The following MTRR variants were observed in gnomAD, a reference collection of about 807,000 sequenced individuals.
MTRR encodes 5-methyltetrahydrofolate-homocysteine methyltransferase reductase.
Under a neutral mutation model 79.2 loss-of-function variants are expected in MTRR, and 63 were observed. That is an observed-to-expected ratio of 0.80 (90% CI 0.65 to 0.98). The LOEUF is 0.98. Ranked by LOEUF, MTRR falls within the 50% of genes least tolerant of loss-of-function variation. The pLI is 0.00. For missense variants in MTRR, 895 were observed against 839.6 expected (o/e 1.07, Z -0.82); for synonymous variants, 355 against 313.3 (o/e 1.13, Z -1.41).
rs142796689 is a variant in MTRR at position 7,861,187 on chromosome 5, G to A, written n.392-764G>A. 8.7e-6 allele frequency: 14 copies of A among 1,612,310 alleles called. No individual in the cohort carries two copies. The African/African-American group carries it at 1.9e-4, about 22-fold the overall frequency. On this transcript the variant is annotated intron_variant and non_coding_transcript_variant, in intron 1 of 3. Transcript: ENST00000502509. ...TAACCGAGTAACTGTAGGTGTCTTT[G>A]TTTAATAGCTTCTTTCCCCAGTAAG...
chr5:7,852,105 A>G (rs879554142), intron 1 of MTRR, among the ~76,000 whole-genome samples: 3 of 152,160 alleles, frequency 2.0e-5, no homozygotes, highest in Non-Finnish European at 4.4e-5. Context: ...GGCCTCATGA[A>G]GCCAGAAACT....
At chr5:7,870,213 A>G in intron 1 of MTRR, 1 of 329,484 alleles carries the variant, frequency 3.0e-6, no homozygotes, top group South Asian at 1.1e-4. Context: ...AATGAAGGAG[A>G]GTATGTGCTT....
chr5:7,896,912 G>A lies in MTRR; in HGVS notation c.1725G>A (p.Trp575Ter). The A allele has an allele frequency of 1.2e-6, 2 of 1,614,028 alleles. No individual in the cohort carries two copies. The highest frequency in any genetic ancestry group is 1.1e-5 in the South Asian group (1 of 91,084). Reference protein sequence around the residue: ...QHPDGNFGAMWLFFGCRHKDR... With the variant: ...QHPDGNFGAM ...CAGATGGAAATTTTGGAGCAATGTG[G>A]TTGTTTTTTGGCTGCAGGCATAAGG... Residue 575 changes from tryptophan to a stop codon, truncating the protein, a stop_gained, in exon 13 of 15, where the codon TGG (tryptophan) becomes TGA (stop). Transcript: ENST00000440940. LOFTEE classifies it high-confidence loss of function.
upstream of MTRR, chr5:7,866,116 A>G (rs1432963074): frequency 1.5e-6 from 1 of 663,116 alleles, no homozygotes; most frequent in Non-Finnish European, 2.6e-6. Flanking sequence ...TATGAAATGA[A>G]CTTGTTAGAA....
intron 1 of MTRR, 25 bp downstream of exon 1, chr5:7,869,240 C>G (rs1376132979): frequency 6.2e-7 from 1 of 1,602,112 alleles, no homozygotes; most frequent in Non-Finnish European, 8.5e-7. Context: ...GGCTACGGTT[C>G]CCGGATTCCG....
chr5:7,870,919 A>T lies in MTRR; in HGVS notation c.125A>T (p.Asp42Val). The T allele has an allele frequency of 6.2e-7, 1 of 1,614,198 alleles. No homozygotes were observed. Among genetic ancestry groups the T allele is most frequent in the Non-Finnish European group, 8.5e-7 (1 of 1,180,012 alleles). ...SADLHCISES[D>V]KYDLKTETAP... ...GATCTTCACTGTATTAGTGAATCCG[A>T]TAAGGTTAGAGCCGTTACAGTGGAT... Residue 42 changes from aspartate (D) to valine (V), a missense_variant, in exon 2 of 15, where the codon GAT becomes GTT. Coordinates refer to ENST00000440940, the MANE Select transcript of MTRR (RefSeq NM_002454.3).
chr5:7,857,239 A>G (rs1456033889), intron 1 of MTRR, among the ~76,000 whole-genome samples: 2 of 152,236 alleles, frequency 1.3e-5, no homozygotes, highest in Admixed American at 6.5e-5. Flanking sequence ...GAGCCATCAT[A>G]TTGAATATGT....
intron 11 of MTRR, among the ~76,000 whole-genome samples, chr5:7,894,480 C>A (rs1447270713): frequency 2.0e-5 from 3 of 152,200 alleles, no homozygotes; most frequent in Non-Finnish European, 4.4e-5. Flanking sequence ...GTGAAGCAGT[C>A]CCACAGCCTT....
chr5:7,851,209 C>CGG, exon 1 of MTRR: 1 of 562,242 alleles, frequency 1.8e-6, no homozygotes, highest in Non-Finnish European at 2.6e-6. Context: ...CAGGGTGGAG[C>CGG]GACCCTCCCC....
intron 1 of MTRR, among the ~76,000 whole-genome samples, chr5:7,858,751 CTT>C (rs1746336283): frequency 2.0e-5 from 3 of 152,082 alleles, no homozygotes; most frequent in Admixed American, 6.5e-5. Flanking sequence ...AGTCGGCTCT[CTT>C]GTCCTCTTCT....
intron 8 of MTRR, 128 bp downstream of exon 8, chr5:7,886,831 A>G: frequency 1.3e-6 from 1 of 741,766 alleles, no homozygotes; most frequent in Non-Finnish European, 2.4e-6. Context: ...CATGTTTTTA[A>G]TATTAGTTCC....
At chr5:7,850,979 C>G (rs1746062911), upstream of MTRR, 1 of 1,307,062 alleles carries the variant, frequency 7.7e-7, no homozygotes, top group East Asian at 2.9e-5. Context: ...CTGGGCTTGC[C>G]CCGCAGCGTG....
intron 2 of MTRR, among the ~76,000 whole-genome samples, chr5:7,872,990 T>C (rs1372933879): frequency 6.6e-6 from 1 of 152,220 alleles, no homozygotes; most frequent in Admixed American, 6.5e-5. Context: ...GGCCCATGAC[T>C]CAGTGGCAAA....
At position 7,869,273 on chromosome 5, in the gene MTRR, C is replaced by T. The variant is rs1747423357; in HGVS notation, c.-26+58C>T. ...CCGGCCGCTCGCCCTGCACTAATCT[C>T]CTGGGAGAGGCGGCCCGGGGCGGGG... is the stretch of plus-strand genomic sequence containing the variant. On this transcript the variant is annotated intron_variant, in intron 1 of 14. Transcript: ENST00000440940. 10 of 1,573,216 alleles carry T rather than the reference C, an allele frequency of 6.4e-6. No homozygotes were observed. The South Asian group carries it at 7.7e-5, about 12-fold the overall frequency.
intron 2 of MTRR, chr5:7,862,801 C>T (rs756633793): frequency 1.9e-6 from 3 of 1,592,280 alleles, no homozygotes; most frequent in African/African-American, 2.7e-5. Context: ...TTTAAAACAA[C>T]AAAACTCCTT....
upstream of MTRR, chr5:7,868,959 G>A (rs1303961227): frequency 1.3e-6 from 1 of 744,092 alleles, no homozygotes. Context: ...ACTGCGCGGA[G>A]ACCCCGCGTT....
chr5:7,853,026 C>T (rs1267994669), intron 1 of MTRR, among the ~76,000 whole-genome samples: 1 of 152,156 alleles, frequency 6.6e-6, no homozygotes, highest in East Asian at 1.9e-4. Context: ...TTGTCATGTC[C>T]TAGACCAAGA....
chr5:7,897,273 G>T, intron 14 of MTRR, 26 bp downstream of exon 14: 1 of 1,612,136 alleles, frequency 6.2e-7, no homozygotes, highest in Non-Finnish European at 8.5e-7. Context: ...GCCTAAGTCG[G>T]GTAGGAGAGG....
chr5:7,862,807 T>G, intron 2 of MTRR: 3 of 1,595,598 alleles, frequency 1.9e-6, no homozygotes, highest in Non-Finnish European at 2.6e-6. Flanking sequence ...ACAACAAAAC[T>G]CCTTATACTA....
Sources: gnomAD v4.1 joint callset for allele counts (sites outside exome capture counted in the v4.1 genomes callset) on GRCh38, gnomAD v4.1.1 for gene constraint, MANE v1.5 for transcripts, NCBI Gene and HGNC (gene_info 2026-07-23, HGNC 2026-07-21) for gene names.